The following QTMAN variants were observed in gnomAD, a reference collection of about 807,000 sequenced individuals.
The protein encoded by QTMAN is tRNA-queuosine alpha-mannosyltransferase.
chr2:144,211,876 C>T, the QTMAN span, among the ~76,000 whole-genome samples: 1 of 152,186 alleles, frequency 6.6e-6, no homozygotes, highest in Non-Finnish European at 1.5e-5. Flanking sequence ...CTTGATACTA[C>T]AGATGTTCAG....
chr2:144,157,121 T>C, the QTMAN span, among the ~76,000 whole-genome samples: 2 of 152,078 alleles, frequency 1.3e-5, no homozygotes, highest in African/African-American at 4.8e-5. Flanking sequence ...TGGGGGAAAG[T>C]TTACTCACCA....
the QTMAN span, among the ~76,000 whole-genome samples, chr2:144,287,287 T>C: frequency 1.8e-3 from 281 of 152,112 alleles, 3 homozygotes; most frequent in Non-Finnish European, 2.9e-3. Flanking sequence ...ATACAAAAAT[T>C]AGCTGGGCGT....
the QTMAN span, among the ~76,000 whole-genome samples, chr2:143,998,847 A>C: frequency 2.6e-5 from 4 of 152,108 alleles, no homozygotes; most frequent in African/African-American, 9.7e-5. Context: ...AATGCATTTC[A>C]TAAAAGAAAA....
the QTMAN span, among the ~76,000 whole-genome samples, chr2:144,032,793 C>T: frequency 6.6e-6 from 1 of 152,114 alleles, no homozygotes. Context: ...GCAGATGATG[C>T]AAGTAGAGAA....
chr2:144,250,212 T>C, the QTMAN span, among the ~76,000 whole-genome samples: 1 of 151,920 alleles, frequency 6.6e-6, no homozygotes, highest in Non-Finnish European at 1.5e-5. Context: ...ATTGGTATCT[T>C]GGCTCACCGC....
chr2:143,988,223 C>T, the QTMAN span, among the ~76,000 whole-genome samples: 1 of 152,152 alleles, frequency 6.6e-6, no homozygotes, highest in Admixed American at 6.5e-5. Flanking sequence ...AAGGAGTTAC[C>T]TGATAGAGCC....
At chr2:144,020,341 C>T in the QTMAN span, among the ~76,000 whole-genome samples, 3 of 152,244 alleles carry the variant, frequency 2.0e-5, no homozygotes, top group African/African-American at 7.2e-5. Context: ...GACACACAGG[C>T]GGCTGAATAT....
the QTMAN span, among the ~76,000 whole-genome samples, chr2:144,059,058 A>G: frequency 2.0e-5 from 3 of 152,188 alleles, no homozygotes; most frequent in South Asian, 4.1e-4. Flanking sequence ...ATCCTACAGG[A>G]TAACATTTGC....
the QTMAN span, among the ~76,000 whole-genome samples, chr2:144,002,701 T>A: frequency 1.3e-5 from 2 of 151,970 alleles, no homozygotes; most frequent in Non-Finnish European, 2.9e-5. Flanking sequence ...TGCTACAAAA[T>A]CCATTCAAAC....
the QTMAN span, chr2:143,963,712 A>G: frequency 6.6e-6 from 1 of 152,086 alleles, no homozygotes; most frequent in African/African-American, 2.4e-5. Flanking sequence ...ATCTTAAGAG[A>G]TACCATCATT....
the QTMAN span, among the ~76,000 whole-genome samples, chr2:144,133,191 T>TTATA: frequency 2.5e-3 from 87 of 35,082 alleles, 1 homozygote; most frequent in Non-Finnish European, 3.7e-3. Flanking sequence ...TAATATAAAT[T>TTATA]TATATATATA....
chr2:143,992,543 T>A, the QTMAN span, among the ~76,000 whole-genome samples: 5 of 151,750 alleles, frequency 3.3e-5, no homozygotes, highest in East Asian at 3.9e-4. Context: ...AAAAAATAAA[T>A]AAATAAATAA....
At chr2:144,073,170 G>A in the QTMAN span, among the ~76,000 whole-genome samples, 3 of 151,656 alleles carry the variant, frequency 2.0e-5, no homozygotes, top group African/African-American at 7.3e-5. Flanking sequence ...GCTATATATT[G>A]TCACCCAACA....
chr2:144,258,281 T>C, the QTMAN span, among the ~76,000 whole-genome samples: 3 of 146,646 alleles, frequency 2.0e-5, no homozygotes, highest in African/African-American at 5.0e-5. Flanking sequence ...AAAGGAAAGA[T>C]ATAATAAAAG....
At chr2:144,256,161 T>C in the QTMAN span, among the ~76,000 whole-genome samples, 1 of 152,196 alleles carries the variant, frequency 6.6e-6, no homozygotes, top group Non-Finnish European at 1.5e-5. Flanking sequence ...CCTTAAAACA[T>C]ATCAGATTCT....
the QTMAN span, among the ~76,000 whole-genome samples, chr2:144,069,348 A>G: frequency 6.6e-6 from 1 of 151,748 alleles, no homozygotes; most frequent in East Asian, 1.9e-4. Context: ...TGACTTCTCC[A>G]TTCTCAAACA....
chr2:144,041,525 G>A, the QTMAN span, among the ~76,000 whole-genome samples: 2 of 152,176 alleles, frequency 1.3e-5, no homozygotes, highest in Admixed American at 1.3e-4. Context: ...TGTCCTAATA[G>A]AAAATAATTA....
chr2:144,236,621 T>C, the QTMAN span, among the ~76,000 whole-genome samples: 1 of 152,008 alleles, frequency 6.6e-6, no homozygotes, highest in East Asian at 1.9e-4. Context: ...CAGTAACTCA[T>C]CCAAAAAGGA....
At chr2:144,215,518 G>A in the QTMAN span, among the ~76,000 whole-genome samples, 1 of 151,976 alleles carries the variant, frequency 6.6e-6, no homozygotes, top group Non-Finnish European at 1.5e-5. Context: ...ATATATTATT[G>A]TGAGGTTATA....
Sources: gnomAD v4.1 joint callset for allele counts (sites outside exome capture counted in the v4.1 genomes callset) on GRCh38, gnomAD v4.1.1 for gene constraint, MANE v1.5 for transcripts, NCBI Gene and HGNC (gene_info 2026-07-23, HGNC 2026-07-21) for gene names.